Variants in METTL6 observed in about 807,000 individuals in gnomAD.
METTL6 encodes tRNA N(3)-cytidine methyltransferase METTL6.
METTL6 carries 22 observed loss-of-function variants against 26.4 expected under a neutral mutation model. The ratio of observed to expected loss-of-function variants is 0.83; its 90% CI spans 0.59 to 1.19. METTL6 has a LOEUF of 1.19. Among genes scored for constraint, METTL6 ranks in the 50% most tolerant of loss-of-function variants. The pLI, the probability that METTL6 is intolerant of heterozygous loss-of-function variation, is 0.00. For missense variants in METTL6, 304 were observed against 324.8 expected (o/e 0.94, Z 0.49); for synonymous variants, 109 against 116.2 (o/e 0.94, Z 0.40).
intron 6 of METTL6, among the ~76,000 whole-genome samples, chr3:15,401,729 C>A (rs554611608): frequency 2.0e-5 from 3 of 152,150 alleles, no homozygotes; most frequent in African/African-American, 7.2e-5. Flanking sequence ...AAAACACATG[C>A]CCACCAGTGC....
At chr3:15,384,774 T>C (rs1285611740) in intron 6 of METTL6, among the ~76,000 whole-genome samples, 3 of 152,202 alleles carry the variant, frequency 2.0e-5, no homozygotes, top group Non-Finnish European at 2.9e-5. Context: ...GGTTGAGTTT[T>C]TGAAGGCCAC....
intron 2 of METTL6, among the ~76,000 whole-genome samples, 155 bp from the exon 3 acceptor site, chr3:15,425,244 T>C (rs1292768764): frequency 2.0e-5 from 3 of 152,192 alleles, no homozygotes; most frequent in Non-Finnish European, 4.4e-5. Flanking sequence ...GGTACTTCAT[T>C]TGTCATCCAA....
In METTL6 at chr3:15,421,836, C is replaced by T. The variant is rs542953966; in HGVS notation, c.360+3119G>A. Among the ~76,000 whole-genome samples the T allele has an allele frequency of 1.3e-3, 198 of 152,188 alleles. 1 individual carries two copies. The South Asian group carries it at 0.015, about 11-fold the overall frequency. ...CTGAGGCAGGAGAATTGCTTGAACCCGGGAGGTGGAGGTTGCAGTGAGCCG... is the reference window on the plus strand; with the variant it reads ...CTGAGGCAGGAGAATTGCTTGAACCTGGGAGGTGGAGGTTGCAGTGAGCCG... On this transcript the variant is annotated intron_variant, in intron 3 of 5. Coordinates refer to ENST00000383790, the MANE Select transcript of METTL6 (RefSeq NM_152396.4).
Position 15,425,088 on chromosome 3 carries a change from A to G in METTL6, c.227T>C (p.Phe76Ser). 4 of 1,614,068 alleles carry G rather than the reference A, an allele frequency of 2.5e-6. No homozygotes were observed. Among genetic ancestry groups the G allele is most frequent in the Non-Finnish European group, 3.4e-6 (4 of 1,180,000 alleles). ...AAGCATTGTTAACTTTTGATCTTCA[A>G]ACTGGGGAAAGACAGCTCAAAGTTA... ...EFEELRSCRE[F>S]EDQKLTMLEA... The change falls in exon 3 of 6, where the codon TTT becomes TCT. Residue 76 changes from phenylalanine (F) to serine (S), a missense_variant and splice_region_variant. Physicochemically the swap from Phe to Ser is radical, Grantham distance 155 (BLOSUM62 -2). Transcript: ENST00000383790.
intron 3 of METTL6, among the ~76,000 whole-genome samples, chr3:15,420,219 C>T (rs1197945094): frequency 6.6e-6 from 1 of 152,090 alleles, no homozygotes; most frequent in Non-Finnish European, 1.5e-5. Flanking sequence ...TAAATAAAAT[C>T]TACATGTACT....
intron 6 of METTL6, among the ~76,000 whole-genome samples, chr3:15,398,424 C>T (rs1399419057): frequency 6.6e-6 from 1 of 152,122 alleles, no homozygotes; most frequent in Non-Finnish European, 1.5e-5. Flanking sequence ...GAGCTCGTGA[C>T]CTCAAGTGAT....
intron 4 of METTL6, chr3:15,414,434 C>A (rs1485817857): frequency 9.8e-6 from 8 of 820,350 alleles, no homozygotes. Flanking sequence ...CAGCTCACTG[C>A]AACCTCCGTC....
At chr3:15,412,749 C>T (rs907174533) in intron 5 of METTL6, among the ~76,000 whole-genome samples, 4 of 151,926 alleles carry the variant, frequency 2.6e-5, no homozygotes, top group African/African-American at 7.3e-5. Flanking sequence ...CTCAGTCTCC[C>T]AAATAATTTT....
At position 15,426,314 on chromosome 3, in the gene METTL6, CTCTCT is replaced by C. The variant is rs761887045; in HGVS notation, c.193_197del (p.Arg65ValfsTer2). ...CTCTACATGATCTTAGCTCCTCAAA[CTCTCT>C]GGTGGTCCAGTGTCTGTCTTTGAAG... is the stretch of plus-strand genomic sequence containing the variant. On this transcript the variant is annotated frameshift_variant, in exon 2 of 6. Coordinates refer to ENST00000383790, the MANE Select transcript of METTL6 (RefSeq NM_152396.4). LOFTEE classifies it high-confidence loss of function. The C allele has an allele frequency of 2.5e-6, 4 of 1,614,222 alleles. No homozygotes were observed. The highest frequency in any genetic ancestry group is 3.4e-6 in the Non-Finnish European group (4 of 1,180,026).
intron 6 of METTL6, among the ~76,000 whole-genome samples, chr3:15,390,255 C>T (rs1699308302): frequency 1.3e-5 from 2 of 151,786 alleles, no homozygotes; most frequent in Admixed American, 1.3e-4. Flanking sequence ...TGGTGAAACC[C>T]CATCTCTACT....
chr3:15,384,969 A>G (rs962361545), intron 6 of METTL6, among the ~76,000 whole-genome samples: 1 of 152,224 alleles, frequency 6.6e-6, no homozygotes, highest in Non-Finnish European at 1.5e-5. Context: ...GAAGTGAGAA[A>G]GAGAAGTAGC....
chr3:15,405,989 T>C (rs189457389), downstream of METTL6, among the ~76,000 whole-genome samples: 1 of 152,158 alleles, frequency 6.6e-6, no homozygotes, highest in East Asian at 1.9e-4. Context: ...CACTATTGTA[T>C]GGAGTATGTG....
At chr3:15,407,690 C>T (rs1324437105), downstream of METTL6, among the ~76,000 whole-genome samples, 1 of 152,206 alleles carries the variant, frequency 6.6e-6, no homozygotes, top group Non-Finnish European at 1.5e-5. Flanking sequence ...GGATTCTAAA[C>T]CCATCTAGAC....
chr3:15,415,490 C>G (rs889402948), intron 4 of METTL6: 1 of 1,587,634 alleles, frequency 6.3e-7, no homozygotes, highest in Non-Finnish European at 8.5e-7. Context: ...AACCATAACT[C>G]CTCTCACCTT....
chr3:15,406,785 T>A (rs1002954416), downstream of METTL6, among the ~76,000 whole-genome samples: 1 of 151,056 alleles, frequency 6.6e-6, no homozygotes, highest in African/African-American at 2.4e-5. Context: ...AAAGGCACCA[T>A]GCCTAGCTAA....
intron 5 of METTL6, among the ~76,000 whole-genome samples, chr3:15,411,825 C>T (rs763139208): frequency 5.3e-5 from 8 of 151,742 alleles, no homozygotes; most frequent in Non-Finnish European, 8.8e-5. Context: ...ATCAGGAGCA[C>T]GATCTCGGCT....
At chr3:15,402,253 C>T (rs1482646222) in intron 6 of METTL6, among the ~76,000 whole-genome samples, 1 of 152,204 alleles carries the variant, frequency 6.6e-6, no homozygotes, top group Admixed American at 6.5e-5. Flanking sequence ...AAAACAGTCT[C>T]TCCAAAAATT....
At chr3:15,401,592 C>T (rs1350153494) in intron 6 of METTL6, among the ~76,000 whole-genome samples, 1 of 151,120 alleles carries the variant, frequency 6.6e-6, no homozygotes, top group Admixed American at 6.6e-5. Flanking sequence ...GTCACAAAGT[C>T]CCTGCTAATA....
intron 4 of METTL6, chr3:15,415,530 T>C: frequency 6.3e-7 from 1 of 1,597,320 alleles, no homozygotes; most frequent in East Asian, 2.2e-5. Flanking sequence ...CCCAGGTAAC[T>C]GCAAAATCAT....
Sources: gnomAD v4.1 joint callset for allele counts (sites outside exome capture counted in the v4.1 genomes callset) on GRCh38, gnomAD v4.1.1 for gene constraint, MANE v1.5 for transcripts, NCBI Gene and HGNC (gene_info 2026-07-23, HGNC 2026-07-21) for gene names.